Variants in KIRREL3 observed in about 807,000 individuals in gnomAD.
KIRREL3 encodes the protein kin of IRRE-like protein 3.
In KIRREL3, 36 loss-of-function variants were observed where a neutral mutation model predicts 89.7. The observed-to-expected ratio is 0.40, with a 90% CI of 0.31 to 0.53. The LOEUF is 0.53. Ranked by LOEUF, KIRREL3 falls within the 20% of genes least tolerant of loss-of-function variation. KIRREL3 has a pLI of 0.49. For missense variants in KIRREL3, 864 were observed against 1,056.6 expected (o/e 0.82, Z 2.53); for synonymous variants, 445 against 441.4 (o/e 1.01, Z -0.10).
At chr11:126,935,560 G>A (rs1371784689) in intron 1 of KIRREL3, 1 of 152,144 alleles carries the variant, frequency 6.6e-6, no homozygotes, top group Admixed American at 6.5e-5. Flanking sequence ...AAAGAACTGA[G>A]CTATTAAGCC....
rs369175008 is a variant in KIRREL3 at position 126,648,341 on chromosome 11, C to T, written c.56-85429G>A. On this transcript the variant is annotated intron_variant, in intron 1 of 16. Coordinates refer to ENST00000525144, the MANE Select transcript of KIRREL3 (RefSeq NM_032531.4). ...GCCTCTTTGCTGTTCCTGAAACTCA[C>T]CAGGCATGCTCCTGCCTCAGGGTCT... 9.8e-5 allele frequency among the ~76,000 whole-genome samples: 15 copies of T among 152,306 alleles called. No individual in the cohort carries two copies. The East Asian group carries it at 1.2e-3, about 12-fold the overall frequency.
rs1949565146 is a variant in KIRREL3 at position 126,976,013 on chromosome 11, C to T, written c.55+24442G>A. ...CAGTTTGTAAATGGCTAAGGTGTGG[C>T]TCTCAGGACAGAGCATACCCATTCC... On this transcript the variant is annotated intron_variant, in intron 1 of 16. Transcript: ENST00000525144. The surrounding 1 kb of genome is among the most constrained non-coding windows in gnomAD (Gnocchi z 4.2). Among the ~76,000 whole-genome samples the T allele has an allele frequency of 6.7e-6, 1 of 150,082 alleles. No individual in the cohort carries two copies. Among genetic ancestry groups the T allele is most frequent in the Non-Finnish European group, 1.5e-5 (1 of 67,756 alleles).
rs544470418 is a variant in KIRREL3, at chr11:126,684,843, A to C, written c.56-121931T>G. Among the ~76,000 whole-genome samples, 1 of 152,218 alleles carries C rather than the reference A, an allele frequency of 6.6e-6. No individual in the cohort carries two copies. Among genetic ancestry groups the C allele is most frequent in the South Asian group, 2.1e-4 (1 of 4,800 alleles). ...GAGGGGAGAGGTAGTGTTGGCTTGG[A>C]CCACAGCGGGAGGGACCTGGGAAGA... On this transcript the variant is annotated intron_variant, in intron 1 of 16. Transcript: ENST00000525144. The surrounding 1 kb of genome is among the most constrained non-coding windows in gnomAD (Gnocchi z 4.2).
chr11:126,424,586 G>A lies in KIRREL3; in HGVS notation c.2331C>T (p.His777=), dbSNP rs779698362. The A allele has an allele frequency of 1.5e-5, 24 of 1,613,598 alleles. No homozygotes were observed. The highest frequency in any genetic ancestry group is 5.0e-5 in the Admixed American group (3 of 60,012). ...SRPLQRRMQT[H]V ...CACCCGCGGTGTGTGATCCTTAGAC[G>A]TGAGTCTGCATCCGCCGCTGCAGGG... The change falls in exon 17 of 17, where the codon CAC becomes CAT. Residue 777 remains histidine (H), a synonymous_variant. Coordinates refer to ENST00000525144, the MANE Select transcript of KIRREL3 (RefSeq NM_032531.4).
At position 126,879,113 on chromosome 11, in the gene KIRREL3, G is replaced by C. The variant is rs1169354766; in HGVS notation, c.55+121342C>G. Among the ~76,000 whole-genome samples, 8 of 152,184 alleles carry C rather than the reference G, an allele frequency of 5.3e-5. No individual in the cohort carries two copies. The highest frequency in any genetic ancestry group is 1.5e-5 in the Non-Finnish European group (1 of 68,036). The stretch of plus-strand genomic sequence containing the variant: ...CAATGGCATCTTTCTTCCCATCACT[G>C]ACAGCAAAGGGAGGAAATAGTCTGA... On this transcript the variant is annotated intron_variant, in intron 1 of 16. Transcript: ENST00000525144. The surrounding 1 kb of genome is among the most constrained non-coding windows in gnomAD (Gnocchi z 5.4).
intron 1 of KIRREL3, among the ~76,000 whole-genome samples, chr11:126,699,514 C>T (rs1483545365): frequency 2.0e-5 from 3 of 152,034 alleles, no homozygotes; most frequent in East Asian, 3.8e-4. Context: ...GAAATTTCTT[C>T]GAATAGTATG....
intron 1 of KIRREL3, among the ~76,000 whole-genome samples, chr11:126,758,169 A>G (rs577652795): frequency 6.6e-6 from 1 of 152,374 alleles, no homozygotes; most frequent in East Asian, 1.9e-4. Context: ...CCACTAAATG[A>G]CTTTTCGATA....
In KIRREL3 at chr11:126,676,418, T is replaced by TC. The variant is rs1946190573; in HGVS notation, c.56-113507dup. ...CTCTCCTACCCTGGGGCCTCTCTAG[T>TC]CCCCCAGGGCCACTGGGCTGGCTCT... On this transcript the variant is annotated intron_variant, in intron 1 of 16. Transcript: ENST00000525144. This position sits in a 1 kb window ranked among gnomAD's most constrained non-coding sequence, Gnocchi z 4.5. Among the ~76,000 whole-genome samples, 1 of 152,038 alleles carries TC rather than the reference T, an allele frequency of 6.6e-6. No homozygotes were observed. The highest frequency in any genetic ancestry group is 1.5e-5 in the Non-Finnish European group (1 of 67,998).
intron 4 of KIRREL3, among the ~76,000 whole-genome samples, chr11:126,502,639 G>A (rs1329488056): frequency 2.6e-5 from 4 of 152,218 alleles, no homozygotes; most frequent in African/African-American, 7.2e-5. Flanking sequence ...GAATGCAGTC[G>A]AAAGGTAAAT....
Position 126,931,546 on chromosome 11 carries a change from G to T in KIRREL3, c.55+68909C>A, listed in dbSNP as rs1026240615. On this transcript the variant is annotated intron_variant, in intron 1 of 16. Transcript: ENST00000525144. The surrounding 1 kb of genome is among the most constrained non-coding windows in gnomAD (Gnocchi z 5.1). ...TACGTTCTTCTGAAGGCTCCCTTAA[G>T]TAAGCCCTCTTGGCTAGTCATTCTA... is the stretch of plus-strand genomic sequence containing the variant. 6.6e-6 allele frequency among the ~76,000 whole-genome samples: 1 copy of T among 152,202 alleles called. No individual in the cohort carries two copies. Among genetic ancestry groups the T allele is most frequent in the Non-Finnish European group, 1.5e-5 (1 of 68,042 alleles).
chr11:126,465,239 C>T (rs1956683014), intron 5 of KIRREL3, among the ~76,000 whole-genome samples: 1 of 152,194 alleles, frequency 6.6e-6, no homozygotes, highest in African/African-American at 2.4e-5. Context: ...CAAAACCTCC[C>T]ATAAAGTGAC....
rs1004161247 is a variant in KIRREL3 at position 126,694,956 on chromosome 11, C to G, written c.56-132044G>C. On this transcript the variant is annotated intron_variant, in intron 1 of 16. Coordinates refer to ENST00000525144, the MANE Select transcript of KIRREL3 (RefSeq NM_032531.4). This position sits in a 1 kb window ranked among gnomAD's most constrained non-coding sequence, Gnocchi z 4.4. ...TTTGCTTTGATTGGGAGATGAGATGCGAGTCTCAATGCCTAGAATGCTCTA... is the reference window on the plus strand; with the variant it reads ...TTTGCTTTGATTGGGAGATGAGATGGGAGTCTCAATGCCTAGAATGCTCTA... Among the ~76,000 whole-genome samples the G allele has an allele frequency of 2.6e-5, 4 of 152,154 alleles. No homozygotes were observed. The highest frequency in any genetic ancestry group is 9.7e-5 in the African/African-American group (4 of 41,440).
At chr11:126,863,546 T>A (rs117325775) in intron 1 of KIRREL3, among the ~76,000 whole-genome samples, 1,698 of 148,876 alleles carry the variant, frequency 0.011, 34 homozygotes, top group East Asian at 0.052. Context: ...CGTGTGAGTG[T>A]GTGAGTGCAT....
chr11:126,796,777 G>A lies in KIRREL3; in HGVS notation c.55+203678C>T, dbSNP rs911147087. The stretch of plus-strand genomic sequence containing the variant: ...TGCAGCCTCAACTTCCCAGGCTGAA[G>A]CTATCCTCCTACCTCAGCCTGGCTG... On this transcript the variant is annotated intron_variant, in intron 1 of 16. Transcript: ENST00000525144. This position sits in a 1 kb window ranked among gnomAD's most constrained non-coding sequence, Gnocchi z 5.1. 1.3e-5 allele frequency among the ~76,000 whole-genome samples: 2 copies of A among 152,148 alleles called. No homozygotes were observed. Among genetic ancestry groups the A allele is most frequent in the Non-Finnish European group, 2.9e-5 (2 of 68,026 alleles).
rs1247896941 is a variant in KIRREL3 at position 126,985,584 on chromosome 11, G to A, written c.55+14871C>T. ...GTTATCTAGACTAACCTGGGGGAGA[G>A]GAGACGGCCACTCCAGAGGGACAGG... is the stretch of plus-strand genomic sequence containing the variant. On this transcript the variant is annotated intron_variant, in intron 1 of 16. Transcript: ENST00000525144. This position sits in a 1 kb window ranked among gnomAD's most constrained non-coding sequence, Gnocchi z 5.3. Among the ~76,000 whole-genome samples the A allele has an allele frequency of 2.0e-5, 3 of 152,098 alleles. No individual in the cohort carries two copies. The highest frequency in any genetic ancestry group is 6.5e-5 in the Admixed American group (1 of 15,276).
chr11:126,592,933 T>C (rs1218822061), intron 1 of KIRREL3, among the ~76,000 whole-genome samples: 1 of 152,126 alleles, frequency 6.6e-6, no homozygotes, highest in African/African-American at 2.4e-5. Context: ...CGTACCTTTC[T>C]TTCCTGTGAG....
At chr11:126,947,433 A>G (rs1262869297) in intron 1 of KIRREL3, among the ~76,000 whole-genome samples, 1 of 152,240 alleles carries the variant, frequency 6.6e-6, no homozygotes, top group Non-Finnish European at 1.5e-5. Context: ...CGTAGTGACC[A>G]GGAATTCAAG....
At chr11:126,727,933 C>T (rs1285887279) in intron 1 of KIRREL3, among the ~76,000 whole-genome samples, 1 of 151,564 alleles carries the variant, frequency 6.6e-6, no homozygotes, top group East Asian at 1.9e-4. Flanking sequence ...TGAGGAGACC[C>T]GGAGGGAAGG....
chr11:126,996,002 A>G lies in KIRREL3; in HGVS notation c.55+4453T>C, dbSNP rs1043026425. On this transcript the variant is annotated intron_variant, in intron 1 of 16. Transcript: ENST00000525144. This position sits in a 1 kb window ranked among gnomAD's most constrained non-coding sequence, Gnocchi z 4.7. ...GGGGGACCCCATGGTATCCTCTTAG[A>G]GCAATGTGAAGGCCTTGACCCCACC... is the stretch of plus-strand genomic sequence containing the variant. Among the ~76,000 whole-genome samples the G allele has an allele frequency of 6.6e-6, 1 of 152,112 alleles. No homozygotes were observed. The highest frequency in any genetic ancestry group is 1.5e-5 in the Non-Finnish European group (1 of 68,028).
Sources: gnomAD v4.1 joint callset for allele counts (sites outside exome capture counted in the v4.1 genomes callset) on GRCh38, gnomAD v4.1.1 for gene constraint, Gnocchi (gnomAD v3.1) non-coding constraint, MANE v1.5 for transcripts, NCBI Gene and HGNC (gene_info 2026-07-23, HGNC 2026-07-21) for gene names.